Variants in TPGS2 observed in about 807,000 individuals in gnomAD.
The protein encoded by TPGS2 is tubulin polyglutamylase complex subunit 2.
Under a neutral mutation model 31.1 loss-of-function variants are expected in TPGS2, and 26 were observed. That is an observed-to-expected ratio of 0.84 (90% CI 0.61 to 1.16). TPGS2 has a LOEUF of 1.16. Among genes scored for constraint, TPGS2 ranks in the 50% most tolerant of loss-of-function variants. The pLI is 0.00. For synonymous variants in TPGS2, 130 were observed against 136.6 expected (o/e 0.95, Z 0.34); for missense variants, 351 against 363.8 (o/e 0.96, Z 0.29).
downstream of TPGS2, among the ~76,000 whole-genome samples, chr18:36,790,976 A>AT (rs373523231): frequency 3.3e-5 from 5 of 152,130 alleles, no homozygotes; most frequent in African/African-American, 1.2e-4. Flanking sequence ...TCGAATTGTA[A>AT]TCCCCAATGT....
chr18:36,781,256 A>G (rs1056353524), downstream of TPGS2, among the ~76,000 whole-genome samples: 1 of 152,188 alleles, frequency 6.6e-6, no homozygotes, highest in African/African-American at 2.4e-5. Context: ...GTTCCCTGTG[A>G]GGAACCTCTG....
At chr18:36,822,181 A>G (rs2045923977) in intron 1 of TPGS2, among the ~76,000 whole-genome samples, 1 of 152,224 alleles carries the variant, frequency 6.6e-6, no homozygotes, top group Non-Finnish European at 1.5e-5. Flanking sequence ...CGTGACCAGC[A>G]TTCAATAAAC....
chr18:36,828,843 A>C lies in TPGS2; in HGVS notation c.-76T>G. On this transcript the variant is annotated 5_prime_UTR_variant, in exon 1 of 7. An upstream start codon of the reference 5' UTR is lost. Transcript: ENST00000334295. ...CCGCCTCAGCGCCGAGGCCAATTTCATGGCATGCCGGGAACGGTAGTTCTC... is the reference window on the plus strand; with the variant it reads ...CCGCCTCAGCGCCGAGGCCAATTTCCTGGCATGCCGGGAACGGTAGTTCTC... The C allele has an allele frequency of 1.0e-5, 16 of 1,532,776 alleles. No homozygotes were observed. The highest frequency in any genetic ancestry group is 1.3e-5 in the Non-Finnish European group (15 of 1,118,906). 94.9% of individuals were successfully genotyped at this position (1,532,776 alleles called of 1,614,324 possible).
At chr18:36,826,687 G>T (rs2046152255) in intron 1 of TPGS2, among the ~76,000 whole-genome samples, 3 of 152,150 alleles carry the variant, frequency 2.0e-5, no homozygotes, top group Admixed American at 6.5e-5. Flanking sequence ...AAATCCTTTT[G>T]TTGTAATGAA....
At chr18:36,799,149 C>G (rs1348688515) in intron 5 of TPGS2, among the ~76,000 whole-genome samples, 1 of 152,150 alleles carries the variant, frequency 6.6e-6, no homozygotes, top group Non-Finnish European at 1.5e-5. Flanking sequence ...CTTACTACTT[C>G]AAGCCTATCT....
chr18:36,824,232 GAT>G (rs1467568220), intron 1 of TPGS2, among the ~76,000 whole-genome samples: 1 of 152,106 alleles, frequency 6.6e-6, no homozygotes, highest in African/African-American at 2.4e-5. Flanking sequence ...TTGTTATATG[GAT>G]ATATCACATT....
chr18:36,813,179 T>C (rs1284363139), intron 2 of TPGS2, among the ~76,000 whole-genome samples: 1 of 152,186 alleles, frequency 6.6e-6, no homozygotes, highest in Non-Finnish European at 1.5e-5. Flanking sequence ...GAGATAAATG[T>C]TTAATAGGTA....
intron 1 of TPGS2, among the ~76,000 whole-genome samples, chr18:36,825,132 G>C (rs1311858685): frequency 6.6e-6 from 1 of 152,010 alleles, no homozygotes; most frequent in Non-Finnish European, 1.5e-5. Context: ...TAACATATTT[G>C]TCAAAAATCA....
In TPGS2 at chr18:36,805,448, T is replaced by C; in HGVS notation, c.308A>G (p.Gln103Arg). 2 of 1,614,052 alleles carry C rather than the reference T, an allele frequency of 1.2e-6. No homozygotes were observed. Among genetic ancestry groups the C allele is most frequent in the Non-Finnish European group, 1.7e-6 (2 of 1,179,924 alleles). ...TGAATACATGGAAGACTGGGTGAGC[T>C]GAGTCAGTTTTGAGATGCTGTTAAT... ...MAINSISKLT[Q>R]LTQSSMYSLP... The change falls in exon 4 of 7, where the codon CAG becomes CGG. Residue 103 changes from glutamine to arginine, a missense_variant. Gln to Arg is a conservative substitution (Grantham distance 43). Coordinates refer to ENST00000334295, the MANE Select transcript of TPGS2 (RefSeq NM_015476.4).
At chr18:36,820,652 C>A (rs1269883727) in intron 1 of TPGS2, among the ~76,000 whole-genome samples, 1 of 152,104 alleles carries the variant, frequency 6.6e-6, no homozygotes, top group African/African-American at 2.4e-5. Flanking sequence ...ATAAGGAAAC[C>A]GAGGTTCAAA....
intron 2 of TPGS2, among the ~76,000 whole-genome samples, chr18:36,809,582 G>A (rs146735431): frequency 6.6e-6 from 1 of 152,130 alleles, no homozygotes; most frequent in Non-Finnish European, 1.5e-5. Context: ...AGTGCCTCCT[G>A]TGTGGCCACA....
chr18:36,805,301 T>C, intron 4 of TPGS2, 73 bp downstream of exon 4: 4 of 1,536,556 alleles, frequency 2.6e-6, no homozygotes, highest in Admixed American at 1.7e-5. Flanking sequence ...CCAAGATTCA[T>C]TAAGTACCTA....
At chr18:36,781,744 T>C, downstream of TPGS2, 1 of 984,934 alleles carries the variant, frequency 1.0e-6, no homozygotes, top group Non-Finnish European at 1.2e-6. Context: ...AAAGACTATA[T>C]TTTCCCCATA....
At chr18:36,811,570 A>G (rs928714567) in intron 2 of TPGS2, among the ~76,000 whole-genome samples, 1 of 152,176 alleles carries the variant, frequency 6.6e-6, no homozygotes, top group African/African-American at 2.4e-5. Flanking sequence ...AAGTTTATAT[A>G]ATCATCAAAA....
chr18:36,796,901 A>G lies in TPGS2; in HGVS notation c.807T>C (p.Pro269=). Residue 269 remains proline (P), a synonymous_variant, in exon 7 of 7, where the codon CCT becomes CCC. Transcript: ENST00000334295. ...CTGAGGGCCCTTTCTGGCCACCTGC[A>G]GGCTGCACAGGCCCTTTCTTTTTTG... ...VIPKKKGPVQ[P]AGGQKGPSGP... 6.2e-7 allele frequency: 1 copy of G among 1,611,528 alleles called. No individual in the cohort carries two copies. Among genetic ancestry groups the G allele is most frequent in the Non-Finnish European group, 8.5e-7 (1 of 1,179,092 alleles).
downstream of TPGS2, among the ~76,000 whole-genome samples, chr18:36,780,721 G>A (rs114046371): frequency 5.1e-3 from 772 of 152,234 alleles, 11 homozygotes; most frequent in African/African-American, 0.017. Context: ...TTGTAACAGC[G>A]GTATTTGTGT....
downstream of TPGS2, chr18:36,790,127 C>T (rs1437315848): frequency 1.3e-5 from 2 of 152,138 alleles, no homozygotes; most frequent in African/African-American, 4.8e-5. Flanking sequence ...GATACAGTCT[C>T]TCCTCAGCAG....
downstream of TPGS2, among the ~76,000 whole-genome samples, chr18:36,781,141 A>G (rs1453070330): frequency 6.6e-6 from 1 of 152,144 alleles, no homozygotes; most frequent in African/African-American, 2.4e-5. Flanking sequence ...TCAGATGGGA[A>G]GGCACTGGGA....
At chr18:36,789,934 C>T (rs886593527), downstream of TPGS2, 2 of 153,442 alleles carry the variant, frequency 1.3e-5, no homozygotes, top group African/African-American at 4.8e-5. Context: ...GTCCATTAAA[C>T]CTTTTTCTTA....
Sources: allele counts gnomAD v4.1 joint callset (sites outside exome capture counted in the v4.1 genomes callset), GRCh38; gene constraint gnomAD v4.1.1; transcripts MANE v1.5; gene names NCBI Gene and HGNC (gene_info 2026-07-23, HGNC 2026-07-21).